ENTR1: variants seen among roughly 807,000 people sequenced by gnomAD.
ENTR1 encodes the protein endosome associated trafficking regulator 1.
Under a neutral mutation model 47.9 loss-of-function variants are expected in ENTR1, and 47 were observed. That is an observed-to-expected ratio of 0.98 (90% CI 0.78 to 1.25). The LOEUF is 1.25. Ranked by LOEUF, ENTR1 falls within the 50% of genes most tolerant of loss-of-function variation. The pLI is 0.00. For missense variants in ENTR1, 668 were observed against 570.5 expected, an observed-to-expected ratio of 1.17 and a Z score of -1.74; for synonymous variants, 290 against 245.8, an observed-to-expected ratio of 1.18 and a Z score of -1.68.
Position 136,402,426 on chromosome 9 carries a change from C to G in ENTR1, c.*362G>C, listed in dbSNP as rs1320554711. 5.9e-6 allele frequency: 1 copy of G among 170,922 alleles called. No homozygotes were observed. The highest frequency in any genetic ancestry group is 2.4e-5 in the African/African-American group (1 of 41,974). 10.6% of individuals were successfully genotyped at this position (170,922 alleles called of 1,614,324 possible). On this transcript the variant is annotated 3_prime_UTR_variant, in exon 10 of 10. Transcript: ENST00000357365. Reference sequence around the variant, plus strand: ...TTCTACTTATGAAATCAAGGACAACCAATTGTACTTATCTTACAACTGATG... The same window carrying G: ...TTCTACTTATGAAATCAAGGACAACGAATTGTACTTATCTTACAACTGATG...
rs766312492 is a variant in ENTR1, at chr9:136,407,350, G to A, written c.614C>T (p.Thr205Met). Residue 205 changes from threonine to methionine, a missense_variant, in exon 5 of 10, where the codon ACG (threonine) becomes ATG (methionine). Physicochemically the swap from Thr to Met is moderately conservative, Grantham distance 81. Transcript: ENST00000357365. The stretch of plus-strand genomic sequence containing the variant: ...GGAAAGGTATGTGCTGCAGGGCGAC[G>A]TGCCGGCAGGGACCCTCTCGGGGTG... Reference protein sequence around the residue: ...QTHPERVPAGTSPCSTYLSFF... With the variant: ...QTHPERVPAGMSPCSTYLSFF... 7.5e-6 allele frequency: 12 copies of A among 1,607,738 alleles called. No homozygotes were observed. The highest frequency in any genetic ancestry group is 1.7e-5 in the Admixed American group (1 of 59,208).
chr9:136,408,881 C>T, intron 3 of ENTR1, 118 bp downstream of exon 3: 1 of 718,166 alleles, frequency 1.4e-6, no homozygotes. Context: ...CCCACCCCCA[C>T]CTGCTCTTTT....
intron 5 of ENTR1, chr9:136,406,878 G>A: frequency 5.3e-6 from 2 of 378,360 alleles, no homozygotes; most frequent in Non-Finnish European, 9.5e-6. Context: ...GGCGACTGCA[G>A]CCTGCCTTTA....
intron 8 of ENTR1, 150 bp from the exon 9 acceptor site, chr9:136,404,344 G>T: frequency 9.6e-7 from 1 of 1,045,798 alleles, no homozygotes; most frequent in Non-Finnish European, 1.4e-6. Flanking sequence ...GGGACTGGGG[G>T]CCTAATGGCT....
Position 136,410,408 on chromosome 9 carries a change from C to G in ENTR1, c.-11G>C. 7.4e-7 allele frequency: 1 copy of G among 1,359,018 alleles called. No individual in the cohort carries two copies. Among genetic ancestry groups the G allele is most frequent in the African/African-American group, 1.6e-5 (1 of 64,370 alleles). The allele number at this position is 1,359,018 out of a possible 1,614,324, so 84.2% of individuals were successfully genotyped here. ...CTGGTAGCCCGACATCGCCGCCGGC[C>G]CGGCGGGGCACGACCTGCCTAGCCC... On this transcript the variant is annotated 5_prime_UTR_variant, in exon 1 of 10. Coordinates refer to ENST00000357365, the MANE Select transcript of ENTR1 (RefSeq NM_001039707.2).
intron 8 of ENTR1, 93 bp from the exon 9 acceptor site, chr9:136,404,287 C>T (rs1342726987): frequency 1.3e-6 from 2 of 1,504,214 alleles, no homozygotes; most frequent in Non-Finnish European, 8.9e-7. Context: ...CCCGTGGGGG[C>T]CTGGCACTCA....
intron 7 of ENTR1, 32 bp from the exon 8 acceptor site, chr9:136,404,725 C>A (rs762070468): frequency 1.5e-5 from 24 of 1,610,130 alleles, no homozygotes; most frequent in Non-Finnish European, 2.0e-5. Context: ...CCACAAAAAG[C>A]ATCACTGATG....
chr9:136,406,142 CT>C (rs1448266924), intron 5 of ENTR1, among the ~76,000 whole-genome samples, 164 bp from the exon 6 acceptor site: 3 of 152,190 alleles, frequency 2.0e-5, no homozygotes, highest in African/African-American at 7.2e-5. Flanking sequence ...GAGGCAGGCA[CT>C]TTTCAAAGAC....
In ENTR1 at chr9:136,407,859, CGA is replaced by C. The variant is rs771455874; in HGVS notation, c.367_368del (p.Ser123GlufsTer21). 1.2e-6 allele frequency: 2 copies of C among 1,613,198 alleles called. No individual in the cohort carries two copies. Among genetic ancestry groups the C allele is most frequent in the East Asian group, 2.2e-5 (1 of 44,854 alleles). ...EFLKTKNLGL[S>X]KEDPASRIYA... is the part of the protein sequence containing the mutation. Reference sequence around the variant, plus strand: ...AAATTCTGCTGGCCGGATCCTCTTTCGAGAGGCCGAGGTTCTTGGTCTTCAGA... The same window carrying C: ...AAATTCTGCTGGCCGGATCCTCTTTCGAGGCCGAGGTTCTTGGTCTTCAGA... On this transcript the variant is annotated frameshift_variant, in exon 4 of 10. Coordinates refer to ENST00000357365, the MANE Select transcript of ENTR1 (RefSeq NM_001039707.2). LOFTEE classifies it high-confidence loss of function.
intron 3 of ENTR1, among the ~76,000 whole-genome samples, chr9:136,408,680 G>A (rs778318164): frequency 6.6e-6 from 1 of 152,018 alleles, no homozygotes; most frequent in Non-Finnish European, 1.5e-5. Context: ...CCTAAATAAC[G>A]CCCACTTTTC....
chr9:136,408,914 C>T (rs1355986237), intron 3 of ENTR1, 85 bp downstream of exon 3: 2 of 1,076,490 alleles, frequency 1.9e-6, no homozygotes, highest in Non-Finnish European at 2.9e-6. Flanking sequence ...CACCACATAG[C>T]CAGTCACATT....
chr9:136,410,586 G>A lies in ENTR1; in HGVS notation c.-189C>T. The A allele has an allele frequency of 3.3e-6, 4 of 1,218,122 alleles. No homozygotes were observed. The African/African-American group carries it at 4.6e-5, about 14-fold the overall frequency. 75.5% of individuals were successfully genotyped at this position (1,218,122 alleles called of 1,614,324 possible). ...CTCCGAGCACCGAAAGCGCGTGCCT[G>A]AACGCCTTGGGCCGTCGGCGAGGGG... is the stretch of plus-strand genomic sequence containing the variant. On this transcript the variant is annotated 5_prime_UTR_variant, in exon 1 of 10. Transcript: ENST00000357365.
rs1834542347 is a variant in ENTR1 at position 136,402,724 on chromosome 9, T to C, written c.*64A>G. 1.6e-5 allele frequency: 17 copies of C among 1,085,072 alleles called. No homozygotes were observed. The South Asian group carries it at 2.2e-4, about 14-fold the overall frequency. 67.2% of individuals were successfully genotyped at this position (1,085,072 alleles called of 1,614,324 possible). A position where few individuals can be genotyped will look rare whatever the true frequency, so the allele number is the denominator to read the frequency against. ...ATATTTAAGGACACAACTGCACATT[T>C]AGATCGAGCGGTGGTGACCTCAGGG... is the stretch of plus-strand genomic sequence containing the variant. On this transcript the variant is annotated 3_prime_UTR_variant, in exon 10 of 10. Coordinates refer to ENST00000357365, the MANE Select transcript of ENTR1 (RefSeq NM_001039707.2).
intron 6 of ENTR1, 149 bp from the exon 7 acceptor site, chr9:136,405,351 C>G: frequency 1.6e-6 from 1 of 632,604 alleles, no homozygotes; most frequent in Admixed American, 2.5e-5. Flanking sequence ...AGCCTCAGGC[C>G]TGGACCTGTA....
chr9:136,407,418 G>C lies in ENTR1; in HGVS notation c.546C>G (p.Thr182=), dbSNP rs371136291. The C allele has an allele frequency of 1.9e-6, 3 of 1,609,464 alleles. No homozygotes were observed. The African/African-American group carries it at 4.0e-5, about 22-fold the overall frequency. ...ACGGCAGGTAGGCCCCACTCCATCC[G>C]GTGTCCTCATCCTCCTCCTCATCCA... is the stretch of plus-strand genomic sequence containing the variant. The part of the protein sequence containing the change: ...DLLDEEEDED[T]GWSGAYLPSA... Residue 182 remains threonine (T), a synonymous_variant, in exon 5 of 10, where the codon ACC becomes ACG. Transcript: ENST00000357365.
In ENTR1 at chr9:136,407,550, C is replaced by G. The variant is rs767280340; in HGVS notation, c.414G>C (p.Arg138Ser). ...AGTTGTGGTCAAGTCCCAGGGAATG[C>G]CTCGAGGCTTCCTAAAAAAAAAAAA... ...ASRIYAKEAS[R>S]HSLGLDHNSP... is the part of the protein sequence containing the mutation. The change falls in exon 5 of 10, where the codon AGG becomes AGC. Residue 138 changes from arginine (R) to serine (S), a missense_variant. Arg to Ser is a moderately radical substitution (Grantham distance 110, BLOSUM62 -1). Coordinates refer to ENST00000357365, the MANE Select transcript of ENTR1 (RefSeq NM_001039707.2). 6.5e-7 allele frequency: 1 copy of G among 1,534,260 alleles called. No individual in the cohort carries two copies. The highest frequency in any genetic ancestry group is 2.3e-5 in the East Asian group (1 of 43,540).
At chr9:136,403,853 C>T (rs371594726) in intron 9 of ENTR1, among the ~76,000 whole-genome samples, 15 of 152,260 alleles carry the variant, frequency 9.9e-5, no homozygotes, top group African/African-American at 3.1e-4. Context: ...TCAGACACTG[C>T]GAGGCAGGTT....
intron 8 of ENTR1, 75 bp downstream of exon 8, chr9:136,404,556 C>T (rs1834667385): frequency 1.1e-5 from 16 of 1,490,838 alleles, no homozygotes; most frequent in South Asian, 4.6e-5. Context: ...CAGAGTCTTT[C>T]GCCTCTTTCT....
intron 6 of ENTR1, 101 bp from the exon 7 acceptor site, chr9:136,405,303 G>A: frequency 1.1e-6 from 1 of 898,272 alleles, no homozygotes; most frequent in Middle Eastern, 2.2e-4. Flanking sequence ...AAGAGCCTGT[G>A]ATGGAATGGG....
Sources: allele counts gnomAD v4.1 joint callset (sites outside exome capture counted in the v4.1 genomes callset), GRCh38; gene constraint gnomAD v4.1.1; transcripts MANE v1.5; gene names NCBI Gene and HGNC (gene_info 2026-07-23, HGNC 2026-07-21).